The following ROBO1 variants were observed in gnomAD, a reference collection of about 807,000 sequenced individuals.
ROBO1 encodes the protein roundabout guidance receptor 1.
In ROBO1, 149 loss-of-function variants were observed where a neutral mutation model predicts 195.9. The observed-to-expected ratio is 0.76, with a 90% CI of 0.67 to 0.87. The LOEUF (loss-of-function observed/expected upper bound fraction) is 0.87. ROBO1 is among the 40% of genes least tolerant of loss of function. ROBO1 has a pLI of 0.00. For missense variants in ROBO1, 1,933 were observed against 2,068.3 expected, an observed-to-expected ratio of 0.93 and a Z score of 1.27; for synonymous variants, 816 against 733.2, an observed-to-expected ratio of 1.11 and a Z score of -1.82.
intron 29 of ROBO1, among the ~76,000 whole-genome samples, chr3:78,606,116 G>A (rs1703445741): frequency 6.6e-6 from 1 of 152,138 alleles, no homozygotes; most frequent in African/African-American, 2.4e-5. Flanking sequence ...ATTACTTGTT[G>A]GCTCACAAAT....
chr3:78,947,307 A>G (rs1038509376), intron 3 of ROBO1, among the ~76,000 whole-genome samples: 1 of 152,190 alleles, frequency 6.6e-6, no homozygotes, highest in Non-Finnish European at 1.5e-5. Flanking sequence ...AAAGAACAGA[A>G]ATTATAACAA....
intron 4 of ROBO1, among the ~76,000 whole-genome samples, chr3:78,752,334 C>G (rs2082817846): frequency 6.6e-6 from 1 of 152,156 alleles, no homozygotes; most frequent in Admixed American, 6.5e-5. Flanking sequence ...GGCAGCTGTG[C>G]TATAACTCTT....
intron 4 of ROBO1, 168 bp downstream of exon 4, chr3:78,938,433 G>T: frequency 1.7e-6 from 1 of 580,796 alleles, no homozygotes; most frequent in Non-Finnish European, 3.0e-6. Context: ...AACAAGTTAG[G>T]ATGAGAAATA....
At position 79,343,857 on chromosome 3, in the gene ROBO1, A is replaced by G. The variant is rs951886054; in HGVS notation, c.89-218318T>C. 1.2e-4 allele frequency among the ~76,000 whole-genome samples: 19 copies of G among 152,136 alleles called. 1 individual carries two copies. Among genetic ancestry groups the G allele is most frequent in the Non-Finnish European group, 1.5e-5 (1 of 68,026 alleles). On this transcript the variant is annotated intron_variant, in intron 2 of 30. Coordinates refer to ENST00000464233, the MANE Select transcript of ROBO1 (RefSeq NM_002941.4). ...GAGAGGAGGGTTTTGTCAATTGTAC[A>G]CACTCTCTATGGTCCTTGGGTTCCA...
At chr3:79,575,494 T>C (rs867394100) in intron 2 of ROBO1, among the ~76,000 whole-genome samples, 2 of 119,288 alleles carry the variant, frequency 1.7e-5, no homozygotes, top group Non-Finnish European at 3.6e-5. Context: ...ATAACAAATA[T>C]ATAAATATAT....
intron 2 of ROBO1, among the ~76,000 whole-genome samples, chr3:79,276,847 G>T (rs1168098788): frequency 6.6e-6 from 1 of 151,866 alleles, no homozygotes; most frequent in Non-Finnish European, 1.5e-5. Context: ...CATACAAATG[G>T]CAACAGGTTT....
At chr3:79,097,578 T>TA (rs1482480968) in intron 3 of ROBO1, among the ~76,000 whole-genome samples, 1 of 151,796 alleles carries the variant, frequency 6.6e-6, no homozygotes, top group Admixed American at 6.6e-5. Context: ...AAATTGGCTT[T>TA]ATGTCAAGTC....
At chr3:79,107,793 G>T (rs944257671) in intron 3 of ROBO1, among the ~76,000 whole-genome samples, 13 of 151,648 alleles carry the variant, frequency 8.6e-5, no homozygotes, top group African/African-American at 3.1e-4. Flanking sequence ...TAGCATGTTT[G>T]AGAAGTCTTA....
Position 79,726,150 on chromosome 3 carries a change from G to T in ROBO1, c.-51+41602C>A, listed in dbSNP as rs185311322. ...GATGATCCATAACTATTGCACTGTT[G>T]TCATTCTAGTTGCATAGGAAAGAAG... is the stretch of plus-strand genomic sequence containing the variant. On this transcript the variant is annotated intron_variant, in intron 1 of 30. Coordinates refer to ENST00000464233, the MANE Select transcript of ROBO1 (RefSeq NM_002941.4). Among the ~76,000 whole-genome samples, 527 of 152,276 alleles carry T rather than the reference G, an allele frequency of 3.5e-3. 4 individuals are homozygous for T. Among genetic ancestry groups the T allele is most frequent in the African/African-American group, 0.012 (506 of 41,550 alleles).
intron 2 of ROBO1, among the ~76,000 whole-genome samples, chr3:79,205,393 T>G (rs1045247011): frequency 3.9e-5 from 6 of 152,154 alleles, no homozygotes; most frequent in Non-Finnish European, 8.8e-5. Flanking sequence ...AATAATTAAC[T>G]TATCTATGTG....
chr3:78,811,946 C>G (rs755920713), intron 4 of ROBO1, among the ~76,000 whole-genome samples: 1 of 152,064 alleles, frequency 6.6e-6, no homozygotes, highest in Admixed American at 6.6e-5. Flanking sequence ...TACATTGCAC[C>G]TGTCAGTCAC....
intron 9 of ROBO1, among the ~76,000 whole-genome samples, chr3:78,686,345 A>C (rs1263966882): frequency 1.3e-5 from 2 of 152,014 alleles, no homozygotes; most frequent in Admixed American, 1.3e-4. Context: ...TCACGAGGTC[A>C]GGAGATCGAG....
chr3:78,746,847 C>G lies in ROBO1; in HGVS notation c.553G>C (p.Glu185Gln). Residue 185 changes from glutamate (E) to glutamine (Q), a missense_variant, in exon 5 of 31, where the codon GAG (glutamate) becomes CAG (glutamine). By Grantham distance (29) the Glu-to-Gln change is conservative. Coordinates refer to ENST00000464233, the MANE Select transcript of ROBO1 (RefSeq NM_002941.4). ...NPSDVMVAVG[E>Q]PAVMECQPPR... ...GGTTGGCATTCCATTACTGCAGGCT[C>G]TCCTACTGCAACCATGACATCCGAA... 2 of 1,595,230 alleles carry G rather than the reference C, an allele frequency of 1.3e-6. No individual in the cohort carries two copies. Among genetic ancestry groups the G allele is most frequent in the Non-Finnish European group, 1.7e-6 (2 of 1,166,946 alleles).
chr3:79,709,963 T>C (rs1484460209), intron 1 of ROBO1, among the ~76,000 whole-genome samples: 2 of 152,166 alleles, frequency 1.3e-5, no homozygotes, highest in African/African-American at 2.4e-5. Flanking sequence ...TTGGACTTCC[T>C]AGCCCCTGGA....
At chr3:79,617,649 CA>C (rs1944867745) in intron 1 of ROBO1, among the ~76,000 whole-genome samples, 1 of 151,794 alleles carries the variant, frequency 6.6e-6, no homozygotes, top group Non-Finnish European at 1.5e-5. Flanking sequence ...TCTTACAGTA[CA>C]AAAACACAGT....
chr3:79,740,862 C>CAT (rs1258838551), intron 1 of ROBO1, among the ~76,000 whole-genome samples: 2 of 152,122 alleles, frequency 1.3e-5, no homozygotes, highest in African/African-American at 4.8e-5. Flanking sequence ...GCAGAATTAA[C>CAT]ATATACATAT....
chr3:78,830,726 G>A (rs1458415926), intron 4 of ROBO1, among the ~76,000 whole-genome samples: 2 of 152,124 alleles, frequency 1.3e-5, no homozygotes, highest in Non-Finnish European at 2.9e-5. Flanking sequence ...ATGTTAATCT[G>A]TGAATTAGTA....
chr3:78,665,603 C>T (rs1707685634), intron 14 of ROBO1, among the ~76,000 whole-genome samples: 1 of 152,102 alleles, frequency 6.6e-6, no homozygotes, highest in Non-Finnish European at 1.5e-5. Flanking sequence ...TACTTTTAGT[C>T]CTGACACTAA....
At chr3:78,655,382 G>A (rs1706941279) in intron 18 of ROBO1, among the ~76,000 whole-genome samples, 1 of 152,082 alleles carries the variant, frequency 6.6e-6, no homozygotes, top group Non-Finnish European at 1.5e-5. Flanking sequence ...TGTGTACCAT[G>A]TCTAGACCTG....
Sources: gnomAD v4.1 joint callset for allele counts (sites outside exome capture counted in the v4.1 genomes callset) on GRCh38, gnomAD v4.1.1 for gene constraint, MANE v1.5 for transcripts, NCBI Gene and HGNC (gene_info 2026-07-23, HGNC 2026-07-21) for gene names.